TBC1D1: variants seen among roughly 807,000 people sequenced by gnomAD.
TBC1D1 encodes the protein TBC1 (tre-2/USP6, BUB2, cdc16) domain family, member 1.
In TBC1D1, 89 loss-of-function variants were observed where a neutral mutation model predicts 125.6. The ratio of observed to expected loss-of-function variants is 0.71; its 90% CI spans 0.60 to 0.85. TBC1D1 has a LOEUF of 0.85. Ranked by LOEUF, TBC1D1 falls within the 40% of genes least tolerant of loss-of-function variation. TBC1D1 has a pLI of 0.00. For missense variants in TBC1D1, 1,377 were observed against 1,469.2 expected (o/e 0.94, Z 1.03); for synonymous variants, 565 against 564.1 (o/e 1.00, Z -0.02).
chr4:38,062,164 C>A (rs1336715305), intron 12 of TBC1D1, among the ~76,000 whole-genome samples: 1 of 152,048 alleles, frequency 6.6e-6, no homozygotes, highest in South Asian at 2.1e-4. Flanking sequence ...GACCTCAATT[C>A]GGACCTCAGA....
chr4:38,002,609 A>G (rs1489364986), intron 2 of TBC1D1, among the ~76,000 whole-genome samples: 1 of 152,252 alleles, frequency 6.6e-6, no homozygotes, highest in Non-Finnish European at 1.5e-5. Context: ...TACTTGCAGT[A>G]TGCCAGACAG....
At chr4:38,047,612 A>C (rs1339423219) in intron 10 of TBC1D1, among the ~76,000 whole-genome samples, 2 of 152,090 alleles carry the variant, frequency 1.3e-5, no homozygotes, top group African/African-American at 4.8e-5. Flanking sequence ...GAAGTTACCT[A>C]GGAGGAGAGA....
chr4:38,124,652 T>G (rs1009810201), intron 17 of TBC1D1, among the ~76,000 whole-genome samples: 3 of 152,208 alleles, frequency 2.0e-5, no homozygotes, highest in Non-Finnish European at 4.4e-5. Context: ...AGTATCTCCT[T>G]TAAAACCCAG....
chr4:38,009,128 C>T (rs965088546), intron 2 of TBC1D1, among the ~76,000 whole-genome samples: 1 of 152,092 alleles, frequency 6.6e-6, no homozygotes, highest in South Asian at 2.1e-4. Flanking sequence ...TAGTTTTTAC[C>T]CCCTTCCTTT....
chr4:37,996,011 G>C, intron 2 of TBC1D1: 1 of 524,898 alleles, frequency 1.9e-6, no homozygotes, highest in South Asian at 1.4e-5. Flanking sequence ...CTGGGATGGG[G>C]ATGTCCAGTG....
chr4:37,928,422 T>C (rs1452753497), intron 2 of TBC1D1, among the ~76,000 whole-genome samples: 1 of 152,122 alleles, frequency 6.6e-6, no homozygotes, highest in African/African-American at 2.4e-5. Flanking sequence ...TATGTTGATA[T>C]CAGAGTCAAG....
chr4:38,137,383 T>G lies in TBC1D1; in HGVS notation c.*48T>G. On this transcript the variant is annotated 3_prime_UTR_variant, in exon 20 of 20. Transcript: ENST00000261439. The stretch of plus-strand genomic sequence containing the variant: ...ACACCATCCCACACTGTCCAGGCCT[T>G]AACTGAGAGGGACAGAAGACGCTGG... The G allele has an allele frequency of 1.3e-6, 2 of 1,499,654 alleles. No homozygotes were observed. The highest frequency in any genetic ancestry group is 1.8e-6 in the Non-Finnish European group (2 of 1,123,194). 92.9% of individuals were successfully genotyped at this position (1,499,654 alleles called of 1,614,324 possible). A position where few individuals can be genotyped will look rare whatever the true frequency, so the allele number is the denominator to read the frequency against.
At chr4:37,924,934 A>G (rs1176260377) in intron 2 of TBC1D1, among the ~76,000 whole-genome samples, 1 of 152,194 alleles carries the variant, frequency 6.6e-6, no homozygotes, top group East Asian at 1.9e-4. Flanking sequence ...TATGTATTTT[A>G]TGCGCATTAT....
rs956195807 is a variant in TBC1D1, at chr4:38,110,173, A to G, written c.2558-5537A>G. ...CGAGATATCAGGAGTCTCGCTGAAA[A>G]TGCAGTCAGATGGGCTCTGAATAGA... On this transcript the variant is annotated intron_variant, in intron 15 of 19. Coordinates refer to ENST00000261439, the MANE Select transcript of TBC1D1 (RefSeq NM_015173.4). 4 of 984,554 alleles carry G rather than the reference A, an allele frequency of 4.1e-6. No individual in the cohort carries two copies. In the African/African-American group the frequency reaches 7.0e-5, roughly 17 times the overall value. The allele number at this position is 984,554 out of a possible 1,614,324, so 61.0% of individuals were successfully genotyped here.
intron 2 of TBC1D1, among the ~76,000 whole-genome samples, chr4:37,920,403 G>T (rs1226686492): frequency 6.6e-6 from 1 of 152,186 alleles, no homozygotes; most frequent in East Asian, 1.9e-4. Context: ...ATAAGAACCG[G>T]GTAAAGAGAC....
intron 12 of TBC1D1, 88 bp from the exon 15 acceptor site, chr4:38,089,844 T>C: frequency 7.7e-7 from 1 of 1,301,362 alleles, no homozygotes. Context: ...TTTATCTGAA[T>C]GAACAGAATT....
chr4:37,908,179 A>G (rs1448758837), intron 2 of TBC1D1, among the ~76,000 whole-genome samples: 1 of 152,050 alleles, frequency 6.6e-6, no homozygotes, highest in Admixed American at 6.6e-5. Context: ...GGCCCAGGGT[A>G]AGTCAGAGAC....
intron 2 of TBC1D1, among the ~76,000 whole-genome samples, chr4:38,008,371 C>A (rs1014155517): frequency 6.6e-6 from 1 of 152,148 alleles, no homozygotes; most frequent in African/African-American, 2.4e-5. Flanking sequence ...GTTGGTCAGT[C>A]AGAAGGTTGT....
intron 12 of TBC1D1, among the ~76,000 whole-genome samples, chr4:38,080,096 G>A (rs962453629): frequency 1.3e-5 from 2 of 152,186 alleles, no homozygotes; most frequent in African/African-American, 4.8e-5. Flanking sequence ...GCTCGTGTGG[G>A]GACCACATTT....
At chr4:37,896,788 A>C (rs533465506) in intron 1 of TBC1D1, among the ~76,000 whole-genome samples, 8 of 151,518 alleles carry the variant, frequency 5.3e-5, no homozygotes, top group African/African-American at 1.7e-4. Context: ...ATATTAGGGA[A>C]ATTTCTAAAT....
In TBC1D1 at chr4:37,976,804, T is replaced by C. The variant is rs141687423; in HGVS notation, c.418-37705T>C. Among the ~76,000 whole-genome samples, 111 of 152,364 alleles carry C rather than the reference T, an allele frequency of 7.3e-4. 1 individual carries two copies. The East Asian group carries it at 0.019, about 26-fold the overall frequency. On this transcript the variant is annotated intron_variant, in intron 2 of 19. Transcript: ENST00000261439. ...CATTTCTCAAGTTGCTAAAGCCTCC[T>C]GGCAGGCAGGAGCTAAATGGTTCTT...
intron 8 of TBC1D1, 105 bp from the exon 9 acceptor site, chr4:38,044,257 C>A: frequency 7.9e-7 from 1 of 1,272,172 alleles, no homozygotes; most frequent in Non-Finnish European, 1.1e-6. Flanking sequence ...CAGACAGGAT[C>A]AGAATGATGG....
intron 1 of TBC1D1, among the ~76,000 whole-genome samples, chr4:37,896,076 T>A (rs1448787252): frequency 6.6e-6 from 1 of 152,162 alleles, no homozygotes; most frequent in Non-Finnish European, 1.5e-5. Context: ...AACCATTGAT[T>A]CACAGAGCAA....
At chr4:37,955,406 C>T (rs1728737346) in intron 2 of TBC1D1, among the ~76,000 whole-genome samples, 1 of 152,134 alleles carries the variant, frequency 6.6e-6, no homozygotes, top group Non-Finnish European at 1.5e-5. Flanking sequence ...TGCTCAAACC[C>T]CCGATATAAA....
Sources: gnomAD v4.1 joint callset for allele counts (sites outside exome capture counted in the v4.1 genomes callset) on GRCh38, gnomAD v4.1.1 for gene constraint, MANE v1.5 for transcripts, NCBI Gene and HGNC (gene_info 2026-07-23, HGNC 2026-07-21) for gene names.